The following TSNARE1 variants were observed in gnomAD, a reference collection of about 807,000 sequenced individuals.
TSNARE1 encodes the protein t-SNARE domain-containing protein 1.
Under a neutral mutation model 62.0 loss-of-function variants are expected in TSNARE1, and 49 were observed. The ratio of observed to expected loss-of-function variants is 0.79; its 90% confidence interval spans 0.63 to 1.00. TSNARE1 has a LOEUF of 1.00. Ranked by LOEUF, TSNARE1 falls within the 50% of genes least tolerant of loss-of-function variation. The probability of loss-of-function intolerance (pLI) is 0.00; values close to 1 mark genes in which losing one functional copy is unlikely to be tolerated. For synonymous variants in TSNARE1, 328 were observed against 294.4 expected (o/e 1.11, Z -1.17); for missense variants, 755 against 700.1 (o/e 1.08, Z -0.88).
intron 2 of TSNARE1, among the ~76,000 whole-genome samples, chr8:142,352,589 C>T (rs1009931639): frequency 1.3e-5 from 2 of 152,276 alleles, no homozygotes; most frequent in African/African-American, 4.8e-5. Flanking sequence ...CAGAACCCAA[C>T]GTGATGCAGC....
At position 142,250,808 on chromosome 8, in the gene TSNARE1, C is replaced by T. The variant is rs1447188633; in HGVS notation, c.1447-21229G>A. 5.3e-5 allele frequency among the ~76,000 whole-genome samples: 8 copies of T among 152,296 alleles called. No individual in the cohort carries two copies. The East Asian group carries it at 1.4e-3, about 26-fold the overall frequency. ...AAGGCTGCCTGCTCCAAGGAGCTGC[C>T]GTGGTGATGGACGTAGTCCACGTGC... On this transcript the variant is annotated intron_variant, in intron 12 of 13. Coordinates refer to ENST00000524325, the MANE Select transcript of TSNARE1 (RefSeq NM_145003.5).
chr8:142,222,774 AT>A (rs1816445562), intron 13 of TSNARE1, among the ~76,000 whole-genome samples: 1 of 104,826 alleles, frequency 9.5e-6, no homozygotes, highest in Non-Finnish European at 2.2e-5. Flanking sequence ...TCATTCACTC[AT>A]CCACTCACTC....
chr8:142,308,412 T>C (rs1827040477), intron 9 of TSNARE1, among the ~76,000 whole-genome samples: 1 of 152,164 alleles, frequency 6.6e-6, no homozygotes, highest in African/African-American at 2.4e-5. Flanking sequence ...AAGGGTCCTT[T>C]TTTTCCAGTT....
chr8:142,232,157 T>C (rs1027493251), intron 12 of TSNARE1, among the ~76,000 whole-genome samples: 1 of 152,236 alleles, frequency 6.6e-6, no homozygotes, highest in African/African-American at 2.4e-5. Context: ...TGGGGTGCCA[T>C]GCCCTGGTCT....
chr8:142,236,107 C>T (rs975689422), intron 12 of TSNARE1, among the ~76,000 whole-genome samples: 5 of 152,178 alleles, frequency 3.3e-5, no homozygotes, highest in African/African-American at 7.2e-5. Flanking sequence ...TCTGCCCATT[C>T]GAGGCTTCAG....
At chr8:142,296,462 T>C (rs1288312500) in intron 10 of TSNARE1, among the ~76,000 whole-genome samples, 4 of 82,314 alleles carry the variant, frequency 4.9e-5, no homozygotes, top group African/African-American at 9.7e-5. Flanking sequence ...GGGGGAGAGG[T>C]GGTCACTGTG....
At chr8:142,277,292 C>A (rs1586961744) in intron 11 of TSNARE1, 1 of 985,232 alleles carries the variant, frequency 1.0e-6, no homozygotes, top group Non-Finnish European at 1.2e-6. Context: ...GAGAGAGCAG[C>A]CTTTGGGACC....
At chr8:142,217,325 A>AAGAAAGAAAGAG (rs1554623101) in intron 13 of TSNARE1, among the ~76,000 whole-genome samples, 32 of 47,684 alleles carry the variant, frequency 6.7e-4, no homozygotes, top group Non-Finnish European at 1.2e-3. Flanking sequence ...GAAAGAAAGA[A>AAGAAAGAAAGAG]AGAAAGAAAG....
intron 6 of TSNARE1, among the ~76,000 whole-genome samples, chr8:142,324,512 G>C (rs531737710): frequency 6.6e-6 from 1 of 152,168 alleles, no homozygotes; most frequent in African/African-American, 2.4e-5. Flanking sequence ...CTAGTCTGCC[G>C]GGGCCAGAAC....
intron 4 of TSNARE1, among the ~76,000 whole-genome samples, chr8:142,340,816 G>C (rs1832483980): frequency 6.6e-6 from 1 of 152,206 alleles, no homozygotes; most frequent in African/African-American, 2.4e-5. Context: ...ACGCAGGCAG[G>C]GCCTGCAGTC....
intron 10 of TSNARE1, among the ~76,000 whole-genome samples, chr8:142,294,434 C>G (rs1377201411): frequency 2.0e-5 from 3 of 152,228 alleles, no homozygotes; most frequent in East Asian, 3.8e-4. Context: ...TCATTCCCAA[C>G]CATCTGGCAG....
intron 10 of TSNARE1, among the ~76,000 whole-genome samples, chr8:142,292,168 A>G (rs1823892893): frequency 6.6e-6 from 1 of 152,148 alleles, no homozygotes; most frequent in South Asian, 2.1e-4. Context: ...GCCAGTAGCC[A>G]GAACACCAAC....
In TSNARE1 at chr8:142,315,082, A is replaced by G. The variant is rs748367548; in HGVS notation, c.995T>C (p.Leu332Pro). 6.2e-7 allele frequency: 1 copy of G among 1,613,926 alleles called. No individual in the cohort carries two copies. Among genetic ancestry groups the G allele is most frequent in the Non-Finnish European group, 8.5e-7 (1 of 1,179,920 alleles). Reference sequence around the variant, plus strand: ...GTCCAGCTGAGGACGCTCCTGCTGCAGACGCTCCTGCTGCAGAGAAGGTAC... The same window carrying G: ...GTCCAGCTGAGGACGCTCCTGCTGCGGACGCTCCTGCTGCAGAGAAGGTAC... ...LLRSSCPQER[L>P]QQERPQLDRL... Residue 332 changes from leucine (L) to proline (P), a missense_variant, in exon 8 of 14, where the codon CTG becomes CCG. By Grantham distance (98) the Leu-to-Pro change is moderately conservative. Coordinates refer to ENST00000524325, the MANE Select transcript of TSNARE1 (RefSeq NM_145003.5).
chr8:142,349,903 C>A (rs547916440), intron 2 of TSNARE1, among the ~76,000 whole-genome samples: 1 of 147,918 alleles, frequency 6.8e-6, no homozygotes, highest in East Asian at 2.1e-4. Context: ...GCAGACAGGG[C>A]AGGGACCAAG....
At chr8:142,372,706 A>T (rs1476154871) in intron 1 of TSNARE1, among the ~76,000 whole-genome samples, 1 of 152,136 alleles carries the variant, frequency 6.6e-6, no homozygotes, top group Non-Finnish European at 1.5e-5. Flanking sequence ...GACCCGGAAC[A>T]TCCCCAAGGG....
chr8:142,303,406 G>A (rs1450535421), intron 9 of TSNARE1, among the ~76,000 whole-genome samples: 1 of 152,192 alleles, frequency 6.6e-6, no homozygotes, highest in Non-Finnish European at 1.5e-5. Flanking sequence ...GAGGTGCCCC[G>A]CCTCCTGAGG....
chr8:142,295,024 G>A (rs902705883), intron 10 of TSNARE1, among the ~76,000 whole-genome samples: 2 of 152,198 alleles, frequency 1.3e-5, no homozygotes, highest in African/African-American at 4.8e-5. Flanking sequence ...CCAGCACCAG[G>A]GGCTACCCAA....
intron 10 of TSNARE1, among the ~76,000 whole-genome samples, chr8:142,295,299 T>C (rs532797218): frequency 4.2e-4 from 64 of 152,346 alleles, no homozygotes; most frequent in African/African-American, 1.5e-3. Context: ...CAGAGACAGA[T>C]GGCACTTGGG....
At chr8:142,286,884 G>C (rs1180687473) in intron 10 of TSNARE1, among the ~76,000 whole-genome samples, 4 of 152,214 alleles carry the variant, frequency 2.6e-5, no homozygotes, top group Non-Finnish European at 5.9e-5. Flanking sequence ...TCAGGGACTT[G>C]CAGGGGCCTT....
Sources: gnomAD v4.1 joint callset for allele counts (sites outside exome capture counted in the v4.1 genomes callset) on GRCh38, gnomAD v4.1.1 for gene constraint, MANE v1.5 for transcripts, NCBI Gene and HGNC (gene_info 2026-07-23, HGNC 2026-07-21) for gene names.